NCAPG2: variants seen among roughly 807,000 people sequenced by gnomAD.
NCAPG2 encodes condensin-2 complex subunit G2.
In NCAPG2, 53 loss-of-function variants were observed where a neutral mutation model predicts 141.1. The ratio of observed to expected loss-of-function variants is 0.38; its 90% CI spans 0.30 to 0.47. The LOEUF is 0.47. NCAPG2 is among the 20% of genes least tolerant of loss of function. The pLI is 0.99. For missense variants in NCAPG2, 1,087 were observed against 1,389.0 expected (o/e 0.78, Z 3.46); for synonymous variants, 499 against 490.7 (o/e 1.02, Z -0.22).
rs1482954316 is a variant in NCAPG2, at chr7:158,667,347, T to G, written c.1480-2597A>C. On this transcript the variant is annotated intron_variant, in intron 13 of 27. Transcript: ENST00000356309. ...TCCCTCCGCTACTGTGTCCCTCCGC[T>G]CCTTAGCCACTACCGGATCCCTCCG... 31 of 133,138 alleles carry G rather than the reference T, an allele frequency of 2.3e-4. 4 individuals carry two copies. The highest frequency in any genetic ancestry group is 3.6e-3 in the East Asian group (1 of 280). The allele number at this position is 133,138 out of a possible 1,614,324, so 8.2% of individuals were successfully genotyped here.
intron 5 of NCAPG2, among the ~76,000 whole-genome samples, chr7:158,690,210 A>G (rs1043055705): frequency 2.6e-5 from 4 of 152,226 alleles, no homozygotes; most frequent in African/African-American, 7.2e-5. Context: ...GATTTTATAC[A>G]TCTGAACTGT....
chr7:158,680,094 A>G lies in NCAPG2; in HGVS notation c.1021-9T>C, dbSNP rs771675171. ...ACTTCAGAGTTTCTGGCCTATAATA[A>G]TAAAAGAAGAGTATCTCAGAATCCC... On this transcript the variant is annotated splice_polypyrimidine_tract_variant and intron_variant, in intron 10 of 27. Coordinates refer to ENST00000356309, the MANE Select transcript of NCAPG2 (RefSeq NM_017760.7). The G allele has an allele frequency of 9.9e-6, 16 of 1,612,530 alleles. No individual in the cohort carries two copies. Among genetic ancestry groups the G allele is most frequent in the African/African-American group, 1.3e-5 (1 of 74,846 alleles).
intron 2 of NCAPG2, among the ~76,000 whole-genome samples, chr7:158,698,530 C>A (rs1222320849): frequency 6.6e-6 from 1 of 152,198 alleles, no homozygotes; most frequent in Non-Finnish European, 1.5e-5. Context: ...ACATGCCACA[C>A]AGGTTTGTAG....
At chr7:158,699,588 C>T (rs1335180362) in intron 2 of NCAPG2, among the ~76,000 whole-genome samples, 2 of 152,158 alleles carry the variant, frequency 1.3e-5, no homozygotes, top group Non-Finnish European at 2.9e-5. Context: ...AGGCTCCAAC[C>T]CCACTGCACT....
chr7:158,672,468 A>C (rs1833800760), intron 12 of NCAPG2, among the ~76,000 whole-genome samples: 1 of 146,024 alleles, frequency 6.8e-6, no homozygotes, highest in African/African-American at 2.5e-5. Flanking sequence ...TCAGCCCCCC[A>C]AGTAGCTGAG....
At chr7:158,691,283 C>A (rs1835102671) in intron 4 of NCAPG2, among the ~76,000 whole-genome samples, 3 of 152,184 alleles carry the variant, frequency 2.0e-5, no homozygotes, top group Admixed American at 2.0e-4. Flanking sequence ...AATGTCATTA[C>A]ACTAATATAA....
Position 158,650,850 on chromosome 7 carries a change from T to A in NCAPG2, c.3057A>T (p.Ile1019=), listed in dbSNP as rs913243372. ...ACTTCACCTTCCGTAGCTGGTGACT[T>A]ATCTCAACCACAGGCCCAGCGATCA... The part of the protein sequence containing the change: ...STLIAGPVVE[I]SHQLRKVSDV... Residue 1019 remains isoleucine, a synonymous_variant, in exon 24 of 28, where the codon ATA becomes ATT. Coordinates refer to ENST00000356309, the MANE Select transcript of NCAPG2 (RefSeq NM_017760.7). 1.2e-6 allele frequency: 2 copies of A among 1,612,302 alleles called. No individual in the cohort carries two copies. Among genetic ancestry groups the A allele is most frequent in the Non-Finnish European group, 1.7e-6 (2 of 1,179,520 alleles).
At chr7:158,641,532 G>T in intron 27 of NCAPG2, 1 of 665,192 alleles carries the variant, frequency 1.5e-6, no homozygotes, top group South Asian at 1.6e-5. Context: ...GCCCAGCCTG[G>T]GCAACACAGC....
intron 13 of NCAPG2, among the ~76,000 whole-genome samples, chr7:158,669,002 A>G (rs1021309070): frequency 1.3e-5 from 2 of 152,198 alleles, no homozygotes; most frequent in African/African-American, 2.4e-5. Flanking sequence ...GCTCTCATTT[A>G]TAAGTGAGAA....
chr7:158,637,633 C>A (rs1268187562), intron 27 of NCAPG2, among the ~76,000 whole-genome samples: 2 of 4,624 alleles, frequency 4.3e-4, no homozygotes, highest in East Asian at 0.018. Flanking sequence ...CGGCCCACCA[C>A]CCACCCAGGT....
At chr7:158,692,513 G>A (rs539052282) in intron 4 of NCAPG2, among the ~76,000 whole-genome samples, 11 of 152,240 alleles carry the variant, frequency 7.2e-5, no homozygotes, top group East Asian at 1.9e-4. Context: ...AGGCTGAGAC[G>A]GGTGGATCAC....
intron 6 of NCAPG2, among the ~76,000 whole-genome samples, chr7:158,689,428 C>A (rs1333561893): frequency 6.6e-6 from 1 of 152,064 alleles, no homozygotes; most frequent in Non-Finnish European, 1.5e-5. Context: ...TCTGGATTTA[C>A]AGGATGGGTA....
At chr7:158,643,562 G>T (rs1185368180) in intron 27 of NCAPG2, among the ~76,000 whole-genome samples, 2 of 152,226 alleles carry the variant, frequency 1.3e-5, no homozygotes, top group African/African-American at 4.8e-5. Context: ...CCACGCTTTG[G>T]AAGTTTATTC....
At chr7:158,695,671 A>T (rs1169634897) in intron 2 of NCAPG2, among the ~76,000 whole-genome samples, 3 of 152,256 alleles carry the variant, frequency 2.0e-5, no homozygotes, top group Non-Finnish European at 2.9e-5. Flanking sequence ...ACCTCTCCCC[A>T]GCATGGCCTT....
chr7:158,641,459 C>A, intron 27 of NCAPG2: 1 of 629,520 alleles, frequency 1.6e-6, no homozygotes, highest in Admixed American at 2.7e-5. Flanking sequence ...TGTGTGCCTG[C>A]AGTCCTAGCC....
intron 6 of NCAPG2, among the ~76,000 whole-genome samples, chr7:158,687,953 G>A (rs565244456): frequency 4.6e-5 from 7 of 152,204 alleles, no homozygotes; most frequent in Non-Finnish European, 1.0e-4. Flanking sequence ...TACATCATGT[G>A]ATGATAATTT....
At chr7:158,674,716 C>G (rs756262281) in intron 12 of NCAPG2, among the ~76,000 whole-genome samples, 81 of 152,248 alleles carry the variant, frequency 5.3e-4, no homozygotes, top group Non-Finnish European at 8.1e-4. Context: ...GTCTGTTTTG[C>G]ACCTGAGAGA....
intron 26 of NCAPG2, 151 bp downstream of exon 26, chr7:158,645,368 C>T: frequency 1.5e-6 from 1 of 652,558 alleles, no homozygotes; most frequent in Non-Finnish European, 2.7e-6. Flanking sequence ...GCACTGTGTC[C>T]AGCACATGAG....
rs1834841142 is a variant in NCAPG2 at position 158,687,449 on chromosome 7, A to G, written c.673-7T>C. The G allele has an allele frequency of 3.2e-6, 5 of 1,571,278 alleles. No individual in the cohort carries two copies. Among genetic ancestry groups the G allele is most frequent in the African/African-American group, 1.4e-5 (1 of 73,148 alleles). On this transcript the variant is annotated splice_region_variant and splice_polypyrimidine_tract_variant and intron_variant, in intron 6 of 27. Transcript: ENST00000356309. Reference sequence around the variant, plus strand: ...AACTAAGAAATCTTCTTCCCTAGAAATAAAAAAGGATAGAATGTTTACATT... The same window carrying G: ...AACTAAGAAATCTTCTTCCCTAGAAGTAAAAAAGGATAGAATGTTTACATT...
Sources: allele counts gnomAD v4.1 joint callset (sites outside exome capture counted in the v4.1 genomes callset), GRCh38; gene constraint gnomAD v4.1.1; transcripts MANE v1.5; gene names NCBI Gene and HGNC (gene_info 2026-07-23, HGNC 2026-07-21).